Variants in SLX9 observed in about 807,000 individuals in gnomAD.
The protein encoded by SLX9 is SLX9 ribosome biogenesis factor, also known as ribosome biogenesis protein SLX9 homolog.
In SLX9, 19 loss-of-function variants were observed where a neutral mutation model predicts 20.8. That is an observed-to-expected ratio of 0.91 (90% CI 0.64 to 1.34). The LOEUF (loss-of-function observed/expected upper bound fraction) is 1.34, where lower values mean the gene tolerates loss of function less well. SLX9 is among the 40% of genes most tolerant of loss of function. SLX9 has a pLI of 0.00. For synonymous variants in SLX9, 113 were observed against 137.1 expected (o/e 0.82, Z 1.23); for missense variants, 299 against 322.2 (o/e 0.93, Z 0.55).
intron 5 of SLX9, among the ~76,000 whole-genome samples, chr21:44,973,955 C>T (rs750134007): frequency 4.6e-5 from 7 of 152,220 alleles, no homozygotes; most frequent in African/African-American, 1.7e-4. Flanking sequence ...CCCTCCCCTC[C>T]GCTGGCTGGT....
chr21:44,941,715 A>C (rs2084552757), intron 1 of SLX9, among the ~76,000 whole-genome samples: 1 of 152,152 alleles, frequency 6.6e-6, no homozygotes, highest in South Asian at 2.1e-4. Context: ...GCGTCCTTGA[A>C]CATGCGCACA....
chr21:44,965,236 A>G (rs762174840), intron 3 of SLX9, among the ~76,000 whole-genome samples: 1 of 151,796 alleles, frequency 6.6e-6, no homozygotes, highest in Non-Finnish European at 1.5e-5. Flanking sequence ...GAAGAACTGC[A>G]CTCTCCCGTT....
At chr21:44,955,678 C>T (rs566434589) in intron 2 of SLX9, among the ~76,000 whole-genome samples, 1 of 152,290 alleles carries the variant, frequency 6.6e-6, no homozygotes, top group South Asian at 2.1e-4. Context: ...TGCTGCTGCT[C>T]CCGGCCCCCT....
chr21:44,965,664 A>C (rs2085020714), intron 3 of SLX9, among the ~76,000 whole-genome samples: 1 of 152,136 alleles, frequency 6.6e-6, no homozygotes, highest in Non-Finnish European at 1.5e-5. Flanking sequence ...TCCCGGGAGA[A>C]CCATCCTTGC....
intron 2 of SLX9, among the ~76,000 whole-genome samples, chr21:44,950,362 C>T (rs575404135): frequency 2.6e-4 from 39 of 152,212 alleles, no homozygotes; most frequent in African/African-American, 7.5e-4. Flanking sequence ...AACAAACTGA[C>T]GGGGAGGTTA....
At chr21:44,970,437 C>T (rs1483570504) in intron 4 of SLX9, among the ~76,000 whole-genome samples, 2 of 152,192 alleles carry the variant, frequency 1.3e-5, no homozygotes, top group Non-Finnish European at 2.9e-5. Flanking sequence ...TGCCGAGCAC[C>T]AACAGGTAAC....
intron 2 of SLX9, among the ~76,000 whole-genome samples, chr21:44,957,395 C>T (rs1177840416): frequency 2.0e-5 from 3 of 152,228 alleles, no homozygotes; most frequent in African/African-American, 2.4e-5. Flanking sequence ...CAGATCGCTC[C>T]GTGGCAGCTG....
At chr21:44,943,204 G>A (rs1161791521) in intron 1 of SLX9, among the ~76,000 whole-genome samples, 2 of 152,164 alleles carry the variant, frequency 1.3e-5, no homozygotes, top group African/African-American at 4.8e-5. Flanking sequence ...GCAGGGATGA[G>A]TGTGGCTCAG....
intron 4 of SLX9, among the ~76,000 whole-genome samples, chr21:44,972,785 C>T (rs940683866): frequency 3.3e-5 from 5 of 152,150 alleles, no homozygotes; most frequent in Admixed American, 6.5e-5. Flanking sequence ...TCCTTTGGCC[C>T]GAAGTGTGAG....
intron 5 of SLX9, among the ~76,000 whole-genome samples, chr21:44,974,259 C>G (rs544535076): frequency 7.2e-5 from 11 of 152,312 alleles, no homozygotes; most frequent in Non-Finnish European, 1.5e-4. Context: ...TCAGTTCTAC[C>G]GAGGCCCATT....
chr21:44,967,727 C>G (rs530813223), intron 4 of SLX9, among the ~76,000 whole-genome samples: 1 of 149,314 alleles, frequency 6.7e-6, no homozygotes, highest in East Asian at 1.9e-4. Context: ...GGCCTGCTGT[C>G]GGGTGTGGTG....
intron 2 of SLX9, among the ~76,000 whole-genome samples, chr21:44,948,891 AGT>A (rs796845176): frequency 2.0e-5 from 3 of 152,254 alleles, no homozygotes; most frequent in Non-Finnish European, 2.9e-5. Context: ...GGAGCGGTGA[AGT>A]GTGTGTGTGA....
intron 4 of SLX9, among the ~76,000 whole-genome samples, chr21:44,970,950 G>T (rs1408031667): frequency 1.3e-5 from 2 of 152,216 alleles, no homozygotes; most frequent in Non-Finnish European, 2.9e-5. Flanking sequence ...CATGCCCCTG[G>T]GGTGCAGGAT....
chr21:44,964,308 G>A (rs575789405), intron 3 of SLX9, among the ~76,000 whole-genome samples: 2 of 152,248 alleles, frequency 1.3e-5, no homozygotes, highest in South Asian at 4.1e-4. Context: ...AGAAATGCAT[G>A]TTTTCTGTAT....
chr21:44,948,183 C>T (rs995764478), intron 2 of SLX9, among the ~76,000 whole-genome samples: 5 of 151,964 alleles, frequency 3.3e-5, no homozygotes, highest in African/African-American at 7.2e-5. Context: ...ATCGGGCATC[C>T]GGGGAGGTGG....
intron 2 of SLX9, among the ~76,000 whole-genome samples, chr21:44,959,054 G>T (rs1462845474): frequency 6.6e-6 from 1 of 152,214 alleles, no homozygotes; most frequent in African/African-American, 2.4e-5. Flanking sequence ...TGCTATGGAG[G>T]AAAGTAGGTC....
intron 2 of SLX9, among the ~76,000 whole-genome samples, chr21:44,954,752 A>G (rs1038038892): frequency 1.3e-5 from 2 of 152,182 alleles, no homozygotes; most frequent in African/African-American, 4.8e-5. Flanking sequence ...TCCTCGCCAC[A>G]AACCTCGGCG....
At chr21:44,952,527 C>T (rs749026408) in intron 2 of SLX9, among the ~76,000 whole-genome samples, 3 of 152,202 alleles carry the variant, frequency 2.0e-5, no homozygotes, top group East Asian at 1.9e-4. Flanking sequence ...CAGGTCTGGC[C>T]CCAGCTGCTT....
At chr21:44,943,903 C>T in intron 2 of SLX9, 66 bp downstream of exon 2, 2 of 1,602,802 alleles carry the variant, frequency 1.2e-6, no homozygotes, top group Non-Finnish European at 1.7e-6. Context: ...CCTCAGGCAC[C>T]CGAGGTCTCA....
Sources: gnomAD v4.1 joint callset for allele counts (sites outside exome capture counted in the v4.1 genomes callset) on GRCh38, gnomAD v4.1.1 for gene constraint, MANE v1.5 for transcripts, NCBI Gene and HGNC (gene_info 2026-07-23, HGNC 2026-07-21) for gene names.